SCN8A: variants seen among roughly 807,000 people sequenced by gnomAD.
SCN8A encodes the protein sodium channel protein type 8 subunit alpha.
Under a neutral mutation model 184.1 loss-of-function variants are expected in SCN8A, and 30 were observed. That is an observed-to-expected ratio of 0.16 (90% CI 0.12 to 0.22). The LOEUF is 0.22. SCN8A is among the 10% of genes least tolerant of loss of function. SCN8A has a pLI of 1.00. For missense variants in SCN8A, 1,057 were observed against 2,498.9 expected (o/e 0.42, Z 12.30); for synonymous variants, 852 against 907.0 (o/e 0.94, Z 1.09).
At chr12:51,724,778 AG>A (rs1942130094) in intron 12 of SCN8A, among the ~76,000 whole-genome samples, 1 of 152,224 alleles carries the variant, frequency 6.6e-6, no homozygotes, top group African/African-American at 2.4e-5. Flanking sequence ...CTGAATAAAA[AG>A]GTATTAGAGA....
chr12:51,727,217 C>T (rs948102540), intron 12 of SCN8A, among the ~76,000 whole-genome samples: 42 of 152,078 alleles, frequency 2.8e-4, no homozygotes, highest in Non-Finnish European at 6.0e-4. Context: ...CAAACTTGTA[C>T]GGGGTTTAAC....
intron 19 of SCN8A, among the ~76,000 whole-genome samples, chr12:51,772,576 A>C (rs1942942248): frequency 6.6e-6 from 1 of 152,014 alleles, no homozygotes; most frequent in African/African-American, 2.4e-5. Flanking sequence ...GGTTAAGGGG[A>C]AACCTGACAT....
At chr12:51,612,880 C>A (rs1251630474) in intron 1 of SCN8A, among the ~76,000 whole-genome samples, 1 of 152,106 alleles carries the variant, frequency 6.6e-6, no homozygotes, top group Admixed American at 6.5e-5. Flanking sequence ...CACCACCATG[C>A]TCAGCTAATT....
chr12:51,744,099 C>T (rs569427865), intron 12 of SCN8A, among the ~76,000 whole-genome samples: 1 of 152,092 alleles, frequency 6.6e-6, no homozygotes, highest in Non-Finnish European at 1.5e-5. Flanking sequence ...GCCAGGAGTT[C>T]CAGACCAGCC....
chr12:51,774,738 A>G lies in SCN8A; in HGVS notation c.3819+376A>G, dbSNP rs78419641. Among the ~76,000 whole-genome samples the G allele has an allele frequency of 7.9e-3, 1,208 of 152,202 alleles. 25 individuals carry two copies. Among genetic ancestry groups the G allele is most frequent in the African/African-American group, 0.028 (1,154 of 41,528 alleles). ...TGTGGCTGGGAGAAGGGGTGAGAGA[A>G]TGAGATGGGGGCTGTTGGGACGAAG... On this transcript the variant is annotated intron_variant, in intron 20 of 26. Coordinates refer to ENST00000627620, the MANE Select transcript of SCN8A (RefSeq NM_001330260.2).
intron 21 of SCN8A, among the ~76,000 whole-genome samples, chr12:51,783,234 G>T (rs752596281): frequency 6.6e-6 from 1 of 152,156 alleles, no homozygotes; most frequent in Non-Finnish European, 1.5e-5. Context: ...TTGGCTAAGC[G>T]TATAGTAAGT....
chr12:51,699,424 T>C, intron 6 of SCN8A, 146 bp from the exon 7 acceptor site: 2 of 546,930 alleles, frequency 3.7e-6, no homozygotes, highest in East Asian at 5.7e-5. Flanking sequence ...GCTGACCTAT[T>C]ATTATTCTCA....
intron 1 of SCN8A, among the ~76,000 whole-genome samples, chr12:51,604,217 C>G (rs754042463): frequency 6.6e-6 from 1 of 151,376 alleles, no homozygotes; most frequent in Non-Finnish European, 1.5e-5. Context: ...GTGATCCATT[C>G]AAGTTAATCT....
At chr12:51,712,773 A>C (rs1941901576) in intron 11 of SCN8A, 10 of 1,187,108 alleles carry the variant, frequency 8.4e-6, no homozygotes, top group Non-Finnish European at 1.2e-5. Context: ...CAGGACCACC[A>C]GCATAGTTGC....
chr12:51,767,513 T>C (rs1013272143), intron 16 of SCN8A, among the ~76,000 whole-genome samples: 10 of 152,176 alleles, frequency 6.6e-5, no homozygotes, highest in African/African-American at 2.4e-4. Flanking sequence ...ATATCTTTCT[T>C]CATAGTATCT....
intron 18 of SCN8A, 137 bp from the exon 19 acceptor site, chr12:51,770,390 ATC>A (rs1942906235): frequency 1.0e-6 from 1 of 985,658 alleles, no homozygotes; most frequent in Admixed American, 2.9e-5. Context: ...CCATTTCTGA[ATC>A]AGACATTCTG....
At chr12:51,596,241 T>G (rs1003729616) in intron 1 of SCN8A, among the ~76,000 whole-genome samples, 2 of 152,228 alleles carry the variant, frequency 1.3e-5, no homozygotes, top group African/African-American at 4.8e-5. Context: ...GTCTCATAGG[T>G]GACCTGCCAC....
intron 2 of SCN8A, among the ~76,000 whole-genome samples, chr12:51,666,577 CA>C (rs1941037363): frequency 6.6e-6 from 1 of 152,182 alleles, no homozygotes; most frequent in Non-Finnish European, 1.5e-5. Context: ...TAATTCTTCG[CA>C]AAATAGAATC....
At chr12:51,693,600 A>G (rs1941546395) in intron 6 of SCN8A, among the ~76,000 whole-genome samples, 1 of 152,174 alleles carries the variant, frequency 6.6e-6, no homozygotes, top group African/African-American at 2.4e-5. Flanking sequence ...CACACCTGTG[A>G]GTAGCCACTG....
chr12:51,751,517 T>A lies in SCN8A; in HGVS notation c.2294T>A (p.Leu765Gln). The change falls in exon 14 of 27, where the codon CTG becomes CAG. Residue 765 changes from leucine (L) to glutamine (Q), a missense_variant. By Grantham distance (113) the Leu-to-Gln change is moderately radical. Coordinates refer to ENST00000627620, the MANE Select transcript of SCN8A (RefSeq NM_001330260.2). The stretch of plus-strand genomic sequence containing the variant: ...TTAGCCATCACCATCTGCATCGTCC[T>A]GAATACACTGTTTATGGCAATGGAG... ...VDLAITICIV[L>Q]NTLFMAMEHH... 1 of 1,613,986 alleles carries A rather than the reference T, an allele frequency of 6.2e-7. No homozygotes were observed. Among genetic ancestry groups the A allele is most frequent in the Non-Finnish European group, 8.5e-7 (1 of 1,179,866 alleles).
chr12:51,633,517 A>G (rs1940246420), intron 1 of SCN8A, among the ~76,000 whole-genome samples: 1 of 152,194 alleles, frequency 6.6e-6, no homozygotes, highest in South Asian at 2.1e-4. Flanking sequence ...CCTCCCACCA[A>G]TTCTTAATCT....
chr12:51,616,774 C>T (rs1431496970), intron 1 of SCN8A, among the ~76,000 whole-genome samples: 1 of 151,902 alleles, frequency 6.6e-6, no homozygotes, highest in Non-Finnish European at 1.5e-5. Context: ...AAAAAATTAG[C>T]CAGGCATGGT....
intron 14 of SCN8A, among the ~76,000 whole-genome samples, chr12:51,753,707 T>G (rs1183286883): frequency 6.6e-6 from 1 of 152,238 alleles, no homozygotes; most frequent in Non-Finnish European, 1.5e-5. Context: ...TCTGTAAAGT[T>G]AAGATAATAC....
At chr12:51,744,930 A>T (rs1414144510) in intron 12 of SCN8A, among the ~76,000 whole-genome samples, 2 of 152,070 alleles carry the variant, frequency 1.3e-5, no homozygotes, top group Non-Finnish European at 2.9e-5. Flanking sequence ...CTGTCCTCTG[A>T]GGGCTGCTGA....
Sources: gnomAD v4.1 joint callset for allele counts (sites outside exome capture counted in the v4.1 genomes callset) on GRCh38, gnomAD v4.1.1 for gene constraint, MANE v1.5 for transcripts, NCBI Gene and HGNC (gene_info 2026-07-23, HGNC 2026-07-21) for gene names.